OCA2: variants seen among roughly 807,000 people sequenced by gnomAD.
OCA2 encodes the protein OCA2 melanosomal transmembrane protein.
A neutral mutation model predicts 100.2 loss-of-function variants in OCA2; 77 were observed. That is an observed-to-expected ratio of 0.77 (90% confidence interval 0.64 to 0.93). The LOEUF (loss-of-function observed/expected upper bound fraction) is 0.93, where lower values mean the gene tolerates loss of function less well. Among genes scored for constraint, OCA2 ranks in the 40% least tolerant of loss-of-function variants. The probability of loss-of-function intolerance (pLI) is 0.00; values close to 1 mark genes in which losing one functional copy is unlikely to be tolerated. For synonymous variants in OCA2, 432 were observed against 439.2 expected, an observed-to-expected ratio of 0.98 and a Z score of 0.21; for missense variants, 1,062 against 1,089.1, an observed-to-expected ratio of 0.98 and a Z score of 0.35.
intron 2 of OCA2, among the ~76,000 whole-genome samples, chr15:28,058,029 C>T (rs529079203): frequency 2.0e-5 from 3 of 152,304 alleles, no homozygotes; most frequent in African/African-American, 7.2e-5. Context: ...TGGGTACCTG[C>T]AGCAGGTCAC....
chr15:27,722,928 A>G, the OCA2 span, among the ~76,000 whole-genome samples: 6 of 150,556 alleles, frequency 4.0e-5, no homozygotes, highest in Non-Finnish European at 7.4e-5. Context: ...TGCAACCTCC[A>G]CTTGCCTGAC....
rs564823018 is a variant in OCA2, at chr15:27,961,400, A to G, written c.1637-3665T>C. Among the ~76,000 whole-genome samples, 7 of 152,348 alleles carry G rather than the reference A, an allele frequency of 4.6e-5. No individual in the cohort carries two copies. The South Asian group carries it at 1.5e-3, about 32-fold the overall frequency. Reference sequence around the variant, plus strand: ...GTGGAAGACAGTGTGGCGGTTCCTCAAGGATCTAGAACCAGAAATACCATT... The same window carrying G: ...GTGGAAGACAGTGTGGCGGTTCCTCGAGGATCTAGAACCAGAAATACCATT... On this transcript the variant is annotated intron_variant, in intron 15 of 23. Transcript: ENST00000354638.
intron 18 of OCA2, among the ~76,000 whole-genome samples, chr15:27,932,682 T>C (rs1340843851): frequency 1.3e-5 from 2 of 152,194 alleles, no homozygotes; most frequent in Non-Finnish European, 2.9e-5. Context: ...ATTTTTGTTG[T>C]GGTGGTTTGT....
intron 4 of OCA2, among the ~76,000 whole-genome samples, chr15:28,027,313 C>G (rs958308899): frequency 2.0e-5 from 3 of 152,174 alleles, no homozygotes; most frequent in African/African-American, 7.2e-5. Context: ...TGTGCACCAT[C>G]CACTTTCTCT....
At chr15:27,815,054 C>T (rs2034244020) in intron 23 of OCA2, among the ~76,000 whole-genome samples, 1 of 152,074 alleles carries the variant, frequency 6.6e-6, no homozygotes, top group South Asian at 2.1e-4. Flanking sequence ...CGAGGGAGAG[C>T]AGGGCTTCCT....
intron 2 of OCA2, among the ~76,000 whole-genome samples, chr15:28,072,599 A>AAAC (rs1286117564): frequency 6.6e-6 from 1 of 151,548 alleles, no homozygotes; most frequent in Non-Finnish European, 1.5e-5. Context: ...CAAAAAAAAA[A>AAAC]AAAAAAAAAA....
intron 2 of OCA2, among the ~76,000 whole-genome samples, chr15:28,073,397 A>T (rs1372431971): frequency 6.6e-6 from 1 of 152,206 alleles, no homozygotes; most frequent in African/African-American, 2.4e-5. Flanking sequence ...CTGGGCAACA[A>T]GAGCGAAACT....
At chr15:27,851,123 G>C (rs908401052) in intron 22 of OCA2, among the ~76,000 whole-genome samples, 2 of 152,162 alleles carry the variant, frequency 1.3e-5, no homozygotes, top group African/African-American at 4.8e-5. Flanking sequence ...CACACGGCGG[G>C]AACACATTAG....
intron 20 of OCA2, 61 bp downstream of exon 20, chr15:27,871,802 T>A: frequency 8.2e-7 from 1 of 1,224,532 alleles, no homozygotes; most frequent in South Asian, 1.3e-5. Context: ...TTTTTTTTAA[T>A]TTTTTTCACA....
intron 9 of OCA2, among the ~76,000 whole-genome samples, chr15:28,010,102 T>C (rs185652992): frequency 2.7e-4 from 41 of 151,342 alleles, no homozygotes; most frequent in Non-Finnish European, 4.9e-4. Context: ...AAAAAAACCA[T>C]ATGAGCACAT....
intron 19 of OCA2, among the ~76,000 whole-genome samples, chr15:27,885,613 A>C (rs1362502245): frequency 6.6e-6 from 1 of 152,352 alleles, no homozygotes; most frequent in Non-Finnish European, 1.5e-5. Context: ...TCCTCACAGA[A>C]CCTGTGAAAA....
At chr15:27,833,211 T>A (rs1030197862) in intron 23 of OCA2, among the ~76,000 whole-genome samples, 2 of 152,244 alleles carry the variant, frequency 1.3e-5, no homozygotes, top group African/African-American at 4.8e-5. Flanking sequence ...AAGTTTTATC[T>A]TATTGTTTTT....
Position 28,072,463 on chromosome 15 carries a change from GCCTGTAGT to G in OCA2, c.227+9177_227+9184del, listed in dbSNP as rs1444986833. 4.6e-5 allele frequency among the ~76,000 whole-genome samples: 7 copies of G among 152,052 alleles called. No individual in the cohort carries two copies. In the East Asian group the frequency reaches 1.4e-3, roughly 29 times the overall value. ...AAATTAGCTGGGCGTGGTGGCGGGTGCCTGTAGTCCCAGCTACTCGGAAGGCTGAGGCA... is the reference window on the plus strand; with the variant it reads ...AAATTAGCTGGGCGTGGTGGCGGGTGCCCAGCTACTCGGAAGGCTGAGGCA... On this transcript the variant is annotated intron_variant, in intron 2 of 23. Transcript: ENST00000354638.
At chr15:27,841,658 A>G (rs2035347907) in intron 23 of OCA2, among the ~76,000 whole-genome samples, 1 of 152,276 alleles carries the variant, frequency 6.6e-6, no homozygotes, top group African/African-American at 2.4e-5. Context: ...GTCACAACAT[A>G]TATATCAGAA....
intron 1 of OCA2, among the ~76,000 whole-genome samples, chr15:28,088,203 C>T (rs947171483): frequency 2.6e-5 from 4 of 152,114 alleles, no homozygotes; most frequent in South Asian, 2.1e-4. Flanking sequence ...AACATTTATA[C>T]GTAGGTAAAT....
At chr15:28,074,403 G>C (rs1248927100) in intron 2 of OCA2, among the ~76,000 whole-genome samples, 15 of 152,028 alleles carry the variant, frequency 9.9e-5, no homozygotes, top group Non-Finnish European at 2.2e-4. Context: ...GGCCGGGCGC[G>C]GTGGCTCACG....
chr15:27,903,932 G>C (rs534607263), intron 19 of OCA2, among the ~76,000 whole-genome samples: 2 of 152,256 alleles, frequency 1.3e-5, no homozygotes, highest in South Asian at 4.1e-4. Context: ...CTGTAGCATA[G>C]AAACTCTTCC....
Position 27,769,892 on chromosome 15 carries a change from T to C in OCA2, c.2433-14420A>G, listed in dbSNP as rs1398306785. 2.2e-5 allele frequency among the ~76,000 whole-genome samples: 3 copies of C among 137,822 alleles called. No homozygotes were observed. In the East Asian group the frequency reaches 5.8e-4, roughly 27 times the overall value. The allele number at this position is 137,822 out of a possible 152,430, so 90.4% of individuals were successfully genotyped here. On this transcript the variant is annotated intron_variant, in intron 23 of 23. Transcript: ENST00000354638. ...GGCCTGTGTGCAGCGCCTCGGCCTG[T>C]GTGCAGCGCCTCGGCCTGTGCGCGG...
chr15:27,793,816 T>C (rs1052783588), intron 23 of OCA2, among the ~76,000 whole-genome samples: 5 of 152,206 alleles, frequency 3.3e-5, no homozygotes, highest in African/African-American at 1.2e-4. Context: ...GCCTTTTCCT[T>C]ATTCACAATG....
Sources: gnomAD v4.1 joint callset for allele counts (sites outside exome capture counted in the v4.1 genomes callset) on GRCh38, gnomAD v4.1.1 for gene constraint, MANE v1.5 for transcripts, NCBI Gene and HGNC (gene_info 2026-07-23, HGNC 2026-07-21) for gene names.